The following POR variants were observed in gnomAD, a reference collection of about 807,000 sequenced individuals.
POR encodes the protein cytochrome p450 oxidoreductase.
A neutral mutation model predicts 84.0 loss-of-function variants in POR; 56 were observed. That is an observed-to-expected ratio of 0.67 (90% CI 0.54 to 0.83). The LOEUF is 0.83. Ranked by LOEUF, POR falls within the 40% of genes least tolerant of loss-of-function variation. The pLI is 0.00. For synonymous variants in POR, 414 were observed against 400.5 expected (o/e 1.03, Z -0.40); for missense variants, 938 against 944.3 (o/e 0.99, Z 0.09).
intron 2 of POR, chr7:75,967,828 G>T: frequency 2.9e-6 from 1 of 345,424 alleles, no homozygotes; most frequent in Non-Finnish European, 5.8e-6. Flanking sequence ...CCTGAGTCCT[G>T]CCTGCTGGGG....
chr7:75,975,301 A>G (rs1166700602), intron 3 of POR, among the ~76,000 whole-genome samples: 1 of 152,186 alleles, frequency 6.6e-6, no homozygotes, highest in African/African-American at 2.4e-5. Context: ...CATGTATTAG[A>G]GTCCATCTTT....
In POR at chr7:75,983,655, AC is replaced by A. The variant is rs1357516887; in HGVS notation, c.947+24del. On this transcript the variant is annotated intron_variant, in intron 9 of 15. Transcript: ENST00000461988. ...AAATCAGGTACCAGCTGCCACTGTCACCCCCTGAACCCTCACTCTGGGCCTC... is the reference window on the plus strand; with the variant it reads ...AAATCAGGTACCAGCTGCCACTGTCACCCCTGAACCCTCACTCTGGGCCTC... 2 of 1,609,152 alleles carry A rather than the reference AC, an allele frequency of 1.2e-6. No individual in the cohort carries two copies. Among genetic ancestry groups the A allele is most frequent in the African/African-American group, 1.3e-5 (1 of 74,638 alleles).
chr7:75,982,195 C>A, intron 7 of POR, 29 bp from the exon 8 acceptor site: 1 of 1,576,438 alleles, frequency 6.3e-7, no homozygotes, highest in East Asian at 2.3e-5. Flanking sequence ...TGCCGCTTCC[C>A]GGCCTCACCC....
At chr7:75,941,595 A>C (rs890907049) in intron 1 of POR, among the ~76,000 whole-genome samples, 1 of 152,182 alleles carries the variant, frequency 6.6e-6, no homozygotes, top group African/African-American at 2.4e-5. Flanking sequence ...CCAGGTAATA[A>C]ATATTTTTTA....
Position 75,986,400 on chromosome 7 carries a change from G to A in POR, c.1962G>A (p.Gly654=), listed in dbSNP as rs782055839. The change falls in exon 16 of 16, where the codon GGG becomes GGA. Residue 654 remains glycine, a synonymous_variant. Transcript: ENST00000461988. ...TCTACGACATCGTGGCTGAGCTCGG[G>A]GCCATGGAGCACGCGCAGGCGGTGG... The A allele has an allele frequency of 4.3e-6, 7 of 1,612,430 alleles. No individual in the cohort carries two copies. In the East Asian group the frequency reaches 1.3e-4, roughly 31 times the overall value.
intron 1 of POR, among the ~76,000 whole-genome samples, chr7:75,941,741 G>A (rs1786927235): frequency 1.3e-5 from 2 of 152,202 alleles, no homozygotes. Context: ...ACTTTGGGAG[G>A]CCAAGGCGGG....
At chr7:75,921,630 C>G (rs1001111411) in intron 1 of POR, among the ~76,000 whole-genome samples, 1 of 152,160 alleles carries the variant, frequency 6.6e-6, no homozygotes, top group African/African-American at 2.4e-5. Context: ...TGCGCTGACC[C>G]GTAATTGACC....
intron 14 of POR, 33 bp downstream of exon 14, chr7:75,986,101 T>C (rs781956389): frequency 4.4e-6 from 7 of 1,576,240 alleles, no homozygotes; most frequent in African/African-American, 1.4e-5. Flanking sequence ...AAGGTGGGCA[T>C]GAGGCTGGCA....
intron 1 of POR, among the ~76,000 whole-genome samples, chr7:75,937,191 C>T (rs989621597): frequency 4.0e-5 from 6 of 149,892 alleles, no homozygotes; most frequent in African/African-American, 1.2e-4. Context: ...CTTGGTGGCT[C>T]ATGCCTGCAA....
At position 75,983,552 on chromosome 7, in the gene POR, C is replaced by T; in HGVS notation, c.863C>T (p.Ala288Val). 1 of 1,613,106 alleles carries T rather than the reference C, an allele frequency of 6.2e-7. No individual in the cohort carries two copies. The highest frequency in any genetic ancestry group is 8.5e-7 in the Non-Finnish European group (1 of 1,179,826). ...GATGCCAAGAATCCGTTCCTGGCTG[C>T]AGTCACCACCAACCGGAAGCTGAAC... Residue 288 changes from alanine (A) to valine (V), a missense_variant, in exon 9 of 16, where the codon GCA becomes GTA. Transcript: ENST00000461988.
At chr7:75,976,511 G>A (rs1040701665) in intron 3 of POR, among the ~76,000 whole-genome samples, 1 of 151,268 alleles carries the variant, frequency 6.6e-6, no homozygotes, top group Middle Eastern at 3.5e-3. Flanking sequence ...TTGGGAGGCT[G>A]AGACGGGCGG....
intron 2 of POR, among the ~76,000 whole-genome samples, chr7:75,964,621 C>T (rs945192811): frequency 6.6e-6 from 1 of 152,232 alleles, no homozygotes; most frequent in South Asian, 2.1e-4. Flanking sequence ...ATTTTTCTTT[C>T]TTTGTAAATT....
At chr7:75,933,252 TTAAC>T (rs1345027759) in intron 1 of POR, among the ~76,000 whole-genome samples, 1 of 152,036 alleles carries the variant, frequency 6.6e-6, no homozygotes, top group Non-Finnish European at 1.5e-5. Flanking sequence ...ATTGAGTTAA[TTAAC>T]ATATGCATTA....
At chr7:75,922,319 G>GTTTTT (rs1223302280) in intron 1 of POR, among the ~76,000 whole-genome samples, 1 of 125,660 alleles carries the variant, frequency 8.0e-6, no homozygotes, top group African/African-American at 3.0e-5. Context: ...CTGATCTGTA[G>GTTTTT]TTTTTTTTTT....
At position 75,986,167 on chromosome 7, in the gene POR, C is replaced by T. The variant is rs376781324; in HGVS notation, c.1824C>T (p.Val608=). 6.2e-7 allele frequency: 1 copy of T among 1,611,188 alleles called. No individual in the cohort carries two copies. The highest frequency in any genetic ancestry group is 8.5e-7 in the Non-Finnish European group (1 of 1,179,246). The change falls in exon 15 of 16, where the codon GTC becomes GTT. Residue 608 remains valine (V), a synonymous_variant. Coordinates refer to ENST00000461988, the MANE Select transcript of POR (RefSeq NM_000941.3). ...ACCACCCTTGGCCCCAGGTCTACGT[C>T]CAGCACCTGCTAAAGCAAGACCGAG...
At chr7:75,986,262 G>T (rs1463449916) in intron 15 of POR, 21 bp downstream of exon 15, 16 of 1,612,524 alleles carry the variant, frequency 9.9e-6, no homozygotes, top group Non-Finnish European at 1.4e-5. Flanking sequence ...GGGGTCACTG[G>T]AATAGGGGGC....
At chr7:75,916,292 G>GT (rs1200074412) in intron 1 of POR, among the ~76,000 whole-genome samples, 1 of 152,220 alleles carries the variant, frequency 6.6e-6, no homozygotes, top group Non-Finnish European at 1.5e-5. Flanking sequence ...GGGGGATCCA[G>GT]TATCCCCACC....
chr7:75,932,540 T>G (rs1807471536), intron 1 of POR, among the ~76,000 whole-genome samples: 1 of 152,066 alleles, frequency 6.6e-6, no homozygotes, highest in African/African-American at 2.4e-5. Context: ...TGAAAATATA[T>G]CAATCCTGTT....
chr7:75,930,013 C>T (rs1807330839), intron 1 of POR, among the ~76,000 whole-genome samples: 1 of 152,170 alleles, frequency 6.6e-6, no homozygotes, highest in South Asian at 2.1e-4. Flanking sequence ...TTAAATCTCC[C>T]TCTGTAAGTT....
Sources: gnomAD v4.1 joint callset for allele counts (sites outside exome capture counted in the v4.1 genomes callset) on GRCh38, gnomAD v4.1.1 for gene constraint, MANE v1.5 for transcripts, NCBI Gene and HGNC (gene_info 2026-07-23, HGNC 2026-07-21) for gene names.